Variants in SORCS2 observed in about 807,000 individuals in gnomAD.
The protein encoded by SORCS2 is sortilin related VPS10 domain containing receptor 2.
Under a neutral mutation model 141.6 loss-of-function variants are expected in SORCS2, and 100 were observed. The observed-to-expected ratio is 0.71, with a 90% CI of 0.60 to 0.83. The LOEUF is 0.83. SORCS2 is among the 40% of genes least tolerant of loss of function. The pLI is 0.00. For missense variants in SORCS2, 1,646 were observed against 1,560.2 expected, an observed-to-expected ratio of 1.05 and a Z score of -0.93; for synonymous variants, 789 against 676.9, an observed-to-expected ratio of 1.17 and a Z score of -2.57.
chr4:7,540,480 C>G (rs1421647433), intron 3 of SORCS2, among the ~76,000 whole-genome samples: 2 of 152,186 alleles, frequency 1.3e-5, no homozygotes, highest in East Asian at 3.9e-4. Flanking sequence ...GACCCACACT[C>G]TGTGTGCAGT....
chr4:7,603,844 T>C (rs1322283864), intron 3 of SORCS2, among the ~76,000 whole-genome samples: 4 of 152,166 alleles, frequency 2.6e-5, no homozygotes, highest in Non-Finnish European at 5.9e-5. Context: ...TGGGGTCTGG[T>C]AAAGGGAATT....
intron 1 of SORCS2, among the ~76,000 whole-genome samples, chr4:7,299,436 C>T (rs545707134): frequency 9.9e-5 from 15 of 152,208 alleles, no homozygotes; most frequent in South Asian, 2.1e-4. Flanking sequence ...CGCATGGCCT[C>T]GGATACATCT....
intron 3 of SORCS2, among the ~76,000 whole-genome samples, chr4:7,555,295 C>G (rs1428435049): frequency 1.3e-5 from 2 of 152,248 alleles, no homozygotes; most frequent in African/African-American, 2.4e-5. Flanking sequence ...TGTGAAATTG[C>G]CTGCAAGTAG....
At chr4:7,577,051 C>A (rs917740000) in intron 3 of SORCS2, among the ~76,000 whole-genome samples, 2 of 152,144 alleles carry the variant, frequency 1.3e-5, no homozygotes, top group Admixed American at 1.3e-4. Flanking sequence ...TATTAGAATT[C>A]GGCAAGGAGA....
chr4:7,414,039 G>A (rs1725500697), intron 2 of SORCS2, among the ~76,000 whole-genome samples: 1 of 152,208 alleles, frequency 6.6e-6, no homozygotes, highest in Non-Finnish European at 1.5e-5. Flanking sequence ...AGATACATGT[G>A]AGATCAGCCT....
intron 8 of SORCS2, among the ~76,000 whole-genome samples, chr4:7,674,211 G>A (rs951041625): frequency 6.6e-6 from 1 of 151,892 alleles, no homozygotes; most frequent in Non-Finnish European, 1.5e-5. Context: ...GTTGAATTTC[G>A]GTCCATAGAC....
chr4:7,604,583 G>T (rs535446366), intron 3 of SORCS2, among the ~76,000 whole-genome samples: 53 of 152,348 alleles, frequency 3.5e-4, no homozygotes, highest in Non-Finnish European at 4.4e-4. Flanking sequence ...ACAGGCATGA[G>T]CCGCCGCGCC....
intron 1 of SORCS2, among the ~76,000 whole-genome samples, chr4:7,340,547 G>A (rs957323401): frequency 1.3e-5 from 2 of 152,222 alleles, no homozygotes; most frequent in African/African-American, 4.8e-5. Flanking sequence ...CTCAGGCTGC[G>A]TGCCACAGTC....
intron 2 of SORCS2, among the ~76,000 whole-genome samples, chr4:7,449,625 T>C (rs1191283158): frequency 3.3e-5 from 5 of 151,740 alleles, no homozygotes; most frequent in East Asian, 4.0e-4. Flanking sequence ...CATGTGTTTG[T>C]TCATGGATTC....
chr4:7,510,156 T>C (rs1243695774), intron 2 of SORCS2, among the ~76,000 whole-genome samples: 1 of 152,232 alleles, frequency 6.6e-6, no homozygotes, highest in East Asian at 1.9e-4. Flanking sequence ...GGTTTCGGCA[T>C]TGCTGCCTCG....
chr4:7,314,800 G>GTTTTTTTT (rs397880294), intron 1 of SORCS2, among the ~76,000 whole-genome samples: 7 of 109,838 alleles, frequency 6.4e-5, no homozygotes, highest in African/African-American at 2.3e-4. Context: ...CCACTGTTCT[G>GTTTTTTTT]TTTTTTTTTT....
intron 1 of SORCS2, among the ~76,000 whole-genome samples, chr4:7,372,965 T>C (rs1011688553): frequency 6.6e-6 from 1 of 151,896 alleles, no homozygotes; most frequent in East Asian, 1.9e-4. Flanking sequence ...CACAGTTTGC[T>C]GCTGATCCGT....
At chr4:7,456,376 C>A (rs1370893977) in intron 2 of SORCS2, among the ~76,000 whole-genome samples, 4 of 152,178 alleles carry the variant, frequency 2.6e-5, no homozygotes, top group Non-Finnish European at 5.9e-5. Flanking sequence ...GAAATCACAG[C>A]CACCAAAGAG....
At chr4:7,736,210 C>T (rs35886593) in intron 25 of SORCS2, among the ~76,000 whole-genome samples, 1 of 152,268 alleles carries the variant, frequency 6.6e-6, no homozygotes, top group African/African-American at 2.4e-5. Context: ...CCACATGCCC[C>T]TGGGGCCCGG....
intron 2 of SORCS2, among the ~76,000 whole-genome samples, chr4:7,511,433 T>C (rs1193784019): frequency 3.9e-5 from 1 of 25,516 alleles, no homozygotes; most frequent in African/African-American, 8.7e-5. Context: ...GGGGCGGGGT[T>C]GGGGAGACAC....
chr4:7,650,405 C>T (rs760706885), intron 4 of SORCS2, among the ~76,000 whole-genome samples: 3 of 152,162 alleles, frequency 2.0e-5, no homozygotes, highest in Non-Finnish European at 4.4e-5. Flanking sequence ...TTGCAGCGTG[C>T]CTGGATAATC....
chr4:7,203,260 T>G (rs1727567934), intron 1 of SORCS2, among the ~76,000 whole-genome samples: 1 of 152,224 alleles, frequency 6.6e-6, no homozygotes, highest in African/African-American at 2.4e-5. Context: ...GGTGAAAATT[T>G]GTAAAAATAC....
At chr4:7,733,947 G>C (rs978454416) in intron 24 of SORCS2, among the ~76,000 whole-genome samples, 1 of 152,188 alleles carries the variant, frequency 6.6e-6, no homozygotes, top group East Asian at 1.9e-4. Context: ...CACATCAGGA[G>C]CGCCGGCCAC....
chr4:7,321,306 G>C (rs1462211013), intron 1 of SORCS2, among the ~76,000 whole-genome samples: 1 of 152,226 alleles, frequency 6.6e-6, no homozygotes, highest in East Asian at 1.9e-4. Flanking sequence ...AGTATTCCAT[G>C]GTGTATGTAT....
Sources: gnomAD v4.1 joint callset for allele counts (sites outside exome capture counted in the v4.1 genomes callset) on GRCh38, gnomAD v4.1.1 for gene constraint, MANE v1.5 for transcripts, NCBI Gene and HGNC (gene_info 2026-07-23, HGNC 2026-07-21) for gene names.